The following GRIK4 variants were observed in gnomAD, a reference collection of about 807,000 sequenced individuals.
The protein encoded by GRIK4 is glutamate ionotropic receptor kainate type subunit 4, also known as glutamate receptor ionotropic, kainate 4.
A neutral mutation model predicts 104.9 loss-of-function variants in GRIK4; 40 were observed. That is an observed-to-expected ratio of 0.38 (90% CI 0.30 to 0.50). GRIK4 has a LOEUF of 0.50. Ranked by LOEUF, GRIK4 falls within the 20% of genes least tolerant of loss-of-function variation. The pLI, the probability that GRIK4 is intolerant of heterozygous loss-of-function variation, is 0.93. For missense variants in GRIK4, 1,047 were observed against 1,308.1 expected (o/e 0.80, Z 3.08); for synonymous variants, 485 against 524.9 (o/e 0.92, Z 1.04).
At chr11:120,737,559 G>T (rs1019230773) in intron 3 of GRIK4, among the ~76,000 whole-genome samples, 1 of 152,144 alleles carries the variant, frequency 6.6e-6, no homozygotes, top group Non-Finnish European at 1.5e-5. Context: ...ATTCCATTGG[G>T]CAAACGAACA....
chr11:120,808,581 C>T (rs1044781205), intron 4 of GRIK4, among the ~76,000 whole-genome samples: 3 of 152,196 alleles, frequency 2.0e-5, no homozygotes, highest in Non-Finnish European at 2.9e-5. Flanking sequence ...GCGTGGCACT[C>T]ATGCCCTCAC....
At chr11:120,519,992 A>G (rs1947778093) in intron 1 of GRIK4, among the ~76,000 whole-genome samples, 1 of 150,812 alleles carries the variant, frequency 6.6e-6, no homozygotes, top group Non-Finnish European at 1.5e-5. Flanking sequence ...TCCTGGGTTC[A>G]AGCGATTCTA....
intron 9 of GRIK4, chr11:120,871,680 G>C (rs972113775): frequency 6.8e-5 from 31 of 456,276 alleles, no homozygotes; most frequent in Non-Finnish European, 6.6e-5. Flanking sequence ...GCCTGATCCA[G>C]TATCTCTGTG....
At chr11:120,528,078 C>G (rs61900894) in intron 1 of GRIK4, among the ~76,000 whole-genome samples, 18,442 of 152,296 alleles carry the variant, frequency 0.12, 1,498 homozygotes, top group African/African-American at 0.23. Context: ...GTCCTCCCAC[C>G]TCAGCCTTTT....
chr11:120,675,115 T>C (rs1436099722), intron 3 of GRIK4, among the ~76,000 whole-genome samples: 3 of 152,274 alleles, frequency 2.0e-5, no homozygotes, highest in South Asian at 2.1e-4. Context: ...TTGGTGGAGA[T>C]GAAATTGGAT....
At chr11:120,617,707 C>A (rs190158837) in intron 1 of GRIK4, among the ~76,000 whole-genome samples, 4 of 152,234 alleles carry the variant, frequency 2.6e-5, no homozygotes, top group East Asian at 1.9e-4. Flanking sequence ...GCACCTCCCC[C>A]ACTCTTCCTC....
chr11:120,843,545 A>G (rs1953774736), intron 8 of GRIK4, among the ~76,000 whole-genome samples: 1 of 152,210 alleles, frequency 6.6e-6, no homozygotes, highest in South Asian at 2.1e-4. Flanking sequence ...TACGTGAGTA[A>G]GTGCTAATAA....
At chr11:120,620,524 G>A (rs1013837380) in intron 1 of GRIK4, among the ~76,000 whole-genome samples, 1 of 151,894 alleles carries the variant, frequency 6.6e-6, no homozygotes, top group Non-Finnish European at 1.5e-5. Context: ...TAATACAGAT[G>A]GGGTCTCCCT....
intron 3 of GRIK4, among the ~76,000 whole-genome samples, chr11:120,697,351 C>T (rs968801827): frequency 2.6e-5 from 4 of 152,342 alleles, no homozygotes; most frequent in Non-Finnish European, 4.4e-5. Context: ...CGCAGTGGCT[C>T]ACGCCTGTAA....
chr11:120,754,918 G>A (rs1281439708), intron 3 of GRIK4, among the ~76,000 whole-genome samples: 1 of 151,990 alleles, frequency 6.6e-6, no homozygotes, highest in East Asian at 1.9e-4. Flanking sequence ...TATATTCTAG[G>A]TATAACCCCT....
intron 3 of GRIK4, among the ~76,000 whole-genome samples, chr11:120,782,567 G>A (rs1474178023): frequency 6.6e-6 from 1 of 152,180 alleles, no homozygotes; most frequent in African/African-American, 2.4e-5. Context: ...TTACAGGCAT[G>A]AGCCACCGCG....
intron 1 of GRIK4, among the ~76,000 whole-genome samples, chr11:120,575,532 G>A (rs1424197372): frequency 2.6e-5 from 4 of 152,132 alleles, no homozygotes; most frequent in South Asian, 2.1e-4. Flanking sequence ...GGTGCTGGCC[G>A]CCGCTGAATG....
intron 8 of GRIK4, among the ~76,000 whole-genome samples, chr11:120,850,257 G>A (rs188724755): frequency 2.0e-5 from 3 of 152,048 alleles, no homozygotes; most frequent in Admixed American, 2.0e-4. Flanking sequence ...GTCATATAGC[G>A]TAACCTAATT....
chr11:120,587,773 G>C (rs1206810197), intron 1 of GRIK4, among the ~76,000 whole-genome samples: 1 of 152,200 alleles, frequency 6.6e-6, no homozygotes, highest in Admixed American at 6.5e-5. Context: ...ACCTGGCCAG[G>C]TACCAGTCAG....
rs201594966 is a variant in GRIK4 at position 120,862,106 on chromosome 11, T to C, written c.892T>C (p.Phe298Leu). 18 of 1,613,922 alleles carry C rather than the reference T, an allele frequency of 1.1e-5. No homozygotes were observed. The highest frequency in any genetic ancestry group is 1.4e-5 in the Non-Finnish European group (17 of 1,179,914). Residue 298 changes from phenylalanine to leucine, a missense_variant, in exon 9 of 21, where the codon TTC becomes CTC. Phe to Leu is a conservative substitution (Grantham distance 22). This residue lies in a region of GRIK4 where 447 missense variants were observed against 514.9 expected (regional missense o/e 0.87). Coordinates refer to ENST00000527524, the MANE Select transcript of GRIK4 (RefSeq NM_014619.5). ...GCAGGAGAACTGTGACCATGTGCCC[T>C]TCACTGGGCCTGCGGTAAGTACCCG... Reference protein sequence around the residue: ...SWQENCDHVPFTGPALSSALL... With the variant: ...SWQENCDHVPLTGPALSSALL...
At chr11:120,969,671 A>G (rs968220911) in intron 19 of GRIK4, among the ~76,000 whole-genome samples, 5 of 152,268 alleles carry the variant, frequency 3.3e-5, no homozygotes, top group South Asian at 2.1e-4. Context: ...TATGATAACA[A>G]TGAGTTAAAG....
rs1944049140 is a variant in GRIK4, at chr11:120,953,172, C to T, written c.1700+208C>T. On this transcript the variant is annotated intron_variant, in intron 15 of 20. Coordinates refer to ENST00000527524, the MANE Select transcript of GRIK4 (RefSeq NM_014619.5). The surrounding 1 kb of genome is among the most constrained non-coding windows in gnomAD (Gnocchi z 4.9). ...ATGCTGCCCATCCAAACATTCCCCACTGTGCACGACGCAGACAGGTGGCTT... is the reference window on the plus strand; with the variant it reads ...ATGCTGCCCATCCAAACATTCCCCATTGTGCACGACGCAGACAGGTGGCTT... Among the ~76,000 whole-genome samples, 1 of 152,086 alleles carries T rather than the reference C, an allele frequency of 6.6e-6. No homozygotes were observed. Among genetic ancestry groups the T allele is most frequent in the Admixed American group, 6.5e-5 (1 of 15,272 alleles).
chr11:120,545,379 A>G (rs893062835), intron 1 of GRIK4, among the ~76,000 whole-genome samples: 4 of 152,202 alleles, frequency 2.6e-5, no homozygotes, highest in African/African-American at 9.6e-5. Flanking sequence ...AAGAGAGTTT[A>G]AAAAATACAG....
At chr11:120,611,467 C>T (rs533802096) in intron 1 of GRIK4, among the ~76,000 whole-genome samples, 1 of 152,328 alleles carries the variant, frequency 6.6e-6, no homozygotes, top group Non-Finnish European at 1.5e-5. Context: ...ATACCAAGTA[C>T]AGTTTCTGGC....
Sources: gnomAD v4.1 joint callset for allele counts (sites outside exome capture counted in the v4.1 genomes callset) on GRCh38, gnomAD v4.1.1 for gene constraint, gnomAD v4.1.1 regional missense constraint, Gnocchi (gnomAD v3.1) non-coding constraint, MANE v1.5 for transcripts, NCBI Gene and HGNC (gene_info 2026-07-23, HGNC 2026-07-21) for gene names.